SYNE1: variants seen among roughly 807,000 people sequenced by gnomAD.
SYNE1 encodes the protein spectrin repeat containing nuclear envelope protein 1.
Under a neutral mutation model 1,111.0 loss-of-function variants are expected in SYNE1, and 616 were observed. The ratio of observed to expected loss-of-function variants is 0.55; its 90% CI spans 0.52 to 0.59. The LOEUF (loss-of-function observed/expected upper bound fraction) is 0.59, where lower values mean the gene tolerates loss of function less well. Among genes scored for constraint, SYNE1 ranks in the 20% least tolerant of loss-of-function variants. The pLI is 0.00. For synonymous variants in SYNE1, 3,855 were observed against 3,825.8 expected (o/e 1.01, Z -0.28); for missense variants, 10,006 against 10,417.0 (o/e 0.96, Z 1.72).
At chr6:152,399,593 T>G in intron 48 of SYNE1, 23 bp downstream of exon 48, 1 of 1,613,656 alleles carries the variant, frequency 6.2e-7, no homozygotes, top group Non-Finnish European at 8.5e-7. Flanking sequence ...AAACTACTCA[T>G]GCTAAGGCCC....
chr6:152,316,635 G>A (rs2095730745), intron 87 of SYNE1: 1 of 585,622 alleles, frequency 1.7e-6, no homozygotes, highest in African/African-American at 1.9e-5. Context: ...TAGGTTTAGG[G>A]AAGATCAAGG....
At chr6:152,362,084 G>A (rs2096941551) in intron 64 of SYNE1, 86 bp downstream of exon 64, 1 of 1,585,392 alleles carries the variant, frequency 6.3e-7, no homozygotes, top group Admixed American at 1.7e-5. Context: ...ACTGCCCTAG[G>A]GTACACGTAA....
chr6:152,405,746 C>A (rs925972834), intron 45 of SYNE1, among the ~76,000 whole-genome samples: 3 of 152,148 alleles, frequency 2.0e-5, no homozygotes, highest in African/African-American at 7.2e-5. Flanking sequence ...GAGGACACTG[C>A]GGTATCCATC....
chr6:152,168,337 C>A (rs1198253031), intron 130 of SYNE1: 1 of 594,624 alleles, frequency 1.7e-6, no homozygotes, highest in Non-Finnish European at 3.0e-6. Context: ...AGTCTCTGCC[C>A]GATAACATGA....
intron 96 of SYNE1, among the ~76,000 whole-genome samples, chr6:152,282,204 G>T (rs1013841057): frequency 6.6e-6 from 1 of 152,168 alleles, no homozygotes; most frequent in South Asian, 2.1e-4. Context: ...ATTTTAATGT[G>T]TACCTAGAGT....
chr6:152,127,844 C>T (rs1204523435), intron 145 of SYNE1: 1 of 152,136 alleles, frequency 6.6e-6, no homozygotes, highest in Non-Finnish European at 1.5e-5. Flanking sequence ...CCCCCACTGC[C>T]CTTGCTTAAA....
intron 36 of SYNE1, among the ~76,000 whole-genome samples, chr6:152,429,585 C>T (rs908949668): frequency 2.8e-4 from 42 of 152,010 alleles, no homozygotes; most frequent in African/African-American, 8.9e-4. Context: ...AATTAATGTA[C>T]GGTAGTATTT....
At chr6:152,392,160 C>T (rs1009257987) in intron 51 of SYNE1, among the ~76,000 whole-genome samples, 6 of 152,100 alleles carry the variant, frequency 3.9e-5, no homozygotes, top group Admixed American at 6.5e-5. Flanking sequence ...CCATGTATGC[C>T]GACTATCTCA....
chr6:152,280,512 A>G (rs1015451765), intron 97 of SYNE1, among the ~76,000 whole-genome samples: 43 of 152,226 alleles, frequency 2.8e-4, no homozygotes, highest in African/African-American at 6.0e-4. Context: ...TCTTCTTCCA[A>G]TGTGGCCCAG....
chr6:152,628,196 C>G, intron 3 of SYNE1, 69 bp downstream of exon 3: 1 of 1,553,202 alleles, frequency 6.4e-7, no homozygotes, highest in Non-Finnish European at 8.9e-7. Flanking sequence ...AAACCCCAAA[C>G]AAATTTAACT....
Position 152,334,393 on chromosome 6 carries a change from A to G in SYNE1, c.12529-120T>C. 2.8e-6 allele frequency: 3 copies of G among 1,086,906 alleles called. No homozygotes were observed. The East Asian group carries it at 7.7e-5, about 28-fold the overall frequency. 67.3% of individuals were successfully genotyped at this position (1,086,906 alleles called of 1,614,324 possible). On this transcript the variant is annotated intron_variant, in intron 76 of 145. Coordinates refer to ENST00000367255, the MANE Select transcript of SYNE1 (RefSeq NM_182961.4). The stretch of plus-strand genomic sequence containing the variant: ...AAGTTCCTTAATATGAAAAAAACTG[A>G]AGAATGTATAATAAGTTATGGGAAA...
At chr6:152,398,397 T>TA (rs971659029) in intron 49 of SYNE1, among the ~76,000 whole-genome samples, 2 of 152,114 alleles carry the variant, frequency 1.3e-5, no homozygotes, top group East Asian at 1.9e-4. Flanking sequence ...GTCAATAGGC[T>TA]AAAAAAAGAG....
At chr6:152,165,556 T>C (rs2063483060) in intron 130 of SYNE1, among the ~76,000 whole-genome samples, 1 of 152,230 alleles carries the variant, frequency 6.6e-6, no homozygotes. Flanking sequence ...CTTTTATTGT[T>C]TTAAAAAATG....
In SYNE1 at chr6:152,197,501, A is replaced by G. The variant is rs989731793; in HGVS notation, c.23145+4323T>C. On this transcript the variant is annotated intron_variant, in intron 127 of 145. Transcript: ENST00000367255. ...CAAAGTGTATTTCTTAAATAATAAG[A>G]CTTGGAAGTTGAAATTATTCCTTGA... is the stretch of plus-strand genomic sequence containing the variant. 2.0e-5 allele frequency among the ~76,000 whole-genome samples: 3 copies of G among 152,210 alleles called. 1 individual carries two copies. Among genetic ancestry groups the G allele is most frequent in the African/African-American group, 7.2e-5 (3 of 41,466 alleles).
rs201761581 is a variant in SYNE1, at chr6:152,430,151, A to T, written c.4749T>A (p.Ser1583=). 203 of 1,605,176 alleles carry T rather than the reference A, an allele frequency of 1.3e-4. No homozygotes were observed. Among genetic ancestry groups the T allele is most frequent in the Non-Finnish European group, 1.7e-4 (199 of 1,174,028 alleles). The change falls in exon 36 of 146, where the codon TCT becomes TCA. Residue 1583 remains serine (S), a synonymous_variant. Coordinates refer to ENST00000367255, the MANE Select transcript of SYNE1 (RefSeq NM_182961.4). Reference sequence around the variant, plus strand: ...GAACTTTGTATGTTTCTGTAGCTGAAGAACATATTTTAATTGGAACAGCAA... The same window carrying T: ...GAACTTTGTATGTTTCTGTAGCTGATGAACATATTTTAATTGGAACAGCAA... ...DKLAVPIKIC[S]SATETYKVLQ...
rs1168266672 is a variant in SYNE1, at chr6:152,331,391, T to C, written c.13294A>G (p.Ser4432Gly). The C allele has an allele frequency of 1.9e-6, 3 of 1,614,196 alleles. No individual in the cohort carries two copies. Among genetic ancestry groups the C allele is most frequent in the Admixed American group, 3.3e-5 (2 of 60,020 alleles). ...AAGTCACTGAGACAATTCACGTGGC[T>C]TTGTGCATCAGAGAGAGCCTTCTGG... is the stretch of plus-strand genomic sequence containing the variant. ...VIQKALSDAQSHVNCLSDLVG... is the reference protein window; with the variant it reads ...VIQKALSDAQGHVNCLSDLVG... Residue 4432 changes from serine to glycine, a missense_variant, in exon 78 of 146, where the codon AGC (serine) becomes GGC (glycine). Physicochemically the swap from Ser to Gly is moderately conservative, Grantham distance 56. Transcript: ENST00000367255.
rs564685249 is a variant in SYNE1 at position 152,140,607 on chromosome 6, A to G, written c.25247-446T>C. On this transcript the variant is annotated intron_variant, in intron 139 of 145. Transcript: ENST00000367255. The stretch of plus-strand genomic sequence containing the variant: ...CAGCTACTCGAGGGGAGGCGGGAGG[A>G]TTACTTGAGCCCAGGAGTTGGAGTC... Among the ~76,000 whole-genome samples, 366 of 152,088 alleles carry G rather than the reference A, an allele frequency of 2.4e-3. 2 individuals are homozygous for G. Among genetic ancestry groups the G allele is most frequent in the East Asian group, 0.014 (70 of 5,162 alleles).
intron 18 of SYNE1, chr6:152,464,805 G>A: frequency 4.0e-6 from 1 of 247,972 alleles, no homozygotes; most frequent in Non-Finnish European, 7.9e-6. Flanking sequence ...TACCCAGAAT[G>A]AGACCCTTGC....
chr6:152,193,750 G>A (rs192475057), intron 127 of SYNE1, among the ~76,000 whole-genome samples: 5 of 152,052 alleles, frequency 3.3e-5, no homozygotes, highest in South Asian at 2.1e-4. Flanking sequence ...GGTAGCTCAC[G>A]CCTGTAATCC....
Sources: gnomAD v4.1 joint callset for allele counts (sites outside exome capture counted in the v4.1 genomes callset) on GRCh38, gnomAD v4.1.1 for gene constraint, MANE v1.5 for transcripts, NCBI Gene and HGNC (gene_info 2026-07-23, HGNC 2026-07-21) for gene names.